The following NSMCE2 variants were observed in gnomAD, a reference collection of about 807,000 sequenced individuals.
The protein encoded by NSMCE2 is NSE2 SUMO ligase component of SMC5/6 complex.
NSMCE2 carries 24 observed loss-of-function variants against 23.8 expected under a neutral mutation model. The observed-to-expected ratio is 1.01, with a 90% CI of 0.73 to 1.42. The LOEUF (loss-of-function observed/expected upper bound fraction) is 1.42. Among genes scored for constraint, NSMCE2 ranks in the 40% most tolerant of loss-of-function variants. The probability of loss-of-function intolerance (pLI) is 0.00; values close to 1 mark genes in which losing one functional copy is unlikely to be tolerated. For synonymous variants in NSMCE2, 92 were observed against 94.1 expected, an observed-to-expected ratio of 0.98 and a Z score of 0.13; for missense variants, 284 against 296.5, an observed-to-expected ratio of 0.96 and a Z score of 0.31.
chr8:125,360,997 A>G (rs1159977308), intron 7 of NSMCE2, among the ~76,000 whole-genome samples: 3 of 151,684 alleles, frequency 2.0e-5, no homozygotes, highest in African/African-American at 7.3e-5. Context: ...AGTTAGAATA[A>G]TTTCCTAAAA....
At chr8:125,135,653 T>G (rs1450777840) in intron 3 of NSMCE2, among the ~76,000 whole-genome samples, 1 of 152,220 alleles carries the variant, frequency 6.6e-6, no homozygotes, top group Admixed American at 6.5e-5. Context: ...CTAGCACCAT[T>G]TGTTGCTGAA....
intron 3 of NSMCE2, among the ~76,000 whole-genome samples, chr8:125,106,502 A>T (rs1452929039): frequency 9.2e-5 from 14 of 151,964 alleles, no homozygotes. Flanking sequence ...ACTTGGTGAA[A>T]CCCCATCTCT....
At position 125,207,896 on chromosome 8, in the gene NSMCE2, A is replaced by G. The variant is rs544636257; in HGVS notation, c.418+25640A>G. Among the ~76,000 whole-genome samples the G allele has an allele frequency of 2.6e-5, 4 of 152,276 alleles. No homozygotes were observed. In the South Asian group the frequency reaches 8.3e-4, roughly 32 times the overall value. ...AGAGCCTCTAGAGCCGGAGCTGAAG[A>G]GCTCTTGAGGCCTGGACTTGGAAAT... is the stretch of plus-strand genomic sequence containing the variant. On this transcript the variant is annotated intron_variant, in intron 5 of 7. Coordinates refer to ENST00000287437, the MANE Select transcript of NSMCE2 (RefSeq NM_173685.4).
chr8:125,317,262 A>G (rs1208312931), intron 5 of NSMCE2, among the ~76,000 whole-genome samples: 1 of 151,846 alleles, frequency 6.6e-6, no homozygotes, highest in African/African-American at 2.4e-5. Context: ...CAGTGATGCA[A>G]TCACAGCTCA....
At chr8:125,252,516 A>T (rs1271331641) in intron 5 of NSMCE2, among the ~76,000 whole-genome samples, 1 of 152,072 alleles carries the variant, frequency 6.6e-6, no homozygotes, top group African/African-American at 2.4e-5. Context: ...ACAGAGCGAG[A>T]CTCTGTCTCA....
intron 5 of NSMCE2, among the ~76,000 whole-genome samples, chr8:125,252,609 T>G (rs916828835): frequency 2.0e-5 from 3 of 152,270 alleles, no homozygotes; most frequent in Non-Finnish European, 2.9e-5. Context: ...GGCATGTGTC[T>G]TATTATCAAT....
chr8:125,131,936 C>T (rs1419890939), intron 3 of NSMCE2, among the ~76,000 whole-genome samples: 1 of 152,178 alleles, frequency 6.6e-6, no homozygotes, highest in African/African-American at 2.4e-5. Context: ...CAAATCTGGG[C>T]AGCCTGTCTC....
chr8:125,119,467 T>A (rs1819168713), intron 3 of NSMCE2, among the ~76,000 whole-genome samples: 1 of 152,202 alleles, frequency 6.6e-6, no homozygotes, highest in South Asian at 2.1e-4. Flanking sequence ...TGCTTTTTTG[T>A]CTTTGGAGCT....
At chr8:125,147,998 G>A (rs780499944) in intron 3 of NSMCE2, among the ~76,000 whole-genome samples, 4 of 152,136 alleles carry the variant, frequency 2.6e-5, no homozygotes, top group Non-Finnish European at 5.9e-5. Flanking sequence ...CCCTGCTACA[G>A]CTGACCAAGA....
intron 5 of NSMCE2, among the ~76,000 whole-genome samples, chr8:125,258,300 A>G (rs1236347888): frequency 6.6e-6 from 1 of 152,238 alleles, no homozygotes; most frequent in Non-Finnish European, 1.5e-5. Flanking sequence ...TAGTCTTTTA[A>G]GAAAATGGAA....
intron 1 of NSMCE2, among the ~76,000 whole-genome samples, chr8:125,100,920 A>G (rs1818156370): frequency 6.6e-6 from 1 of 152,204 alleles, no homozygotes; most frequent in African/African-American, 2.4e-5. Context: ...TTTTCATCAA[A>G]TTAGAATAAC....
At chr8:125,194,420 T>C (rs1563711157) in intron 5 of NSMCE2, among the ~76,000 whole-genome samples, 1 of 152,238 alleles carries the variant, frequency 6.6e-6, no homozygotes, top group Non-Finnish European at 1.5e-5. Context: ...TTGCTAGTTA[T>C]CTGCAGTTTG....
chr8:125,174,309 T>C (rs942427512), intron 4 of NSMCE2, among the ~76,000 whole-genome samples: 2 of 152,186 alleles, frequency 1.3e-5, no homozygotes, highest in East Asian at 3.8e-4. Context: ...AGATGTTCAG[T>C]AAATATTTAC....
intron 5 of NSMCE2, among the ~76,000 whole-genome samples, chr8:125,268,719 C>T (rs557704341): frequency 6.6e-6 from 1 of 152,038 alleles, no homozygotes; most frequent in East Asian, 1.9e-4. Flanking sequence ...AAAGAGATGC[C>T]CTGGGAGGAA....
rs1328487575 is a variant in NSMCE2, at chr8:125,119,218, T to C, written c.157+16731T>C. On this transcript the variant is annotated intron_variant, in intron 3 of 7. Coordinates refer to ENST00000287437, the MANE Select transcript of NSMCE2 (RefSeq NM_173685.4). ...TTCCAATCATTCCAACACCTCCAGA[T>C]TTTCTTTCCTCCACCGACTGTAACA... Among the ~76,000 whole-genome samples the C allele has an allele frequency of 2.0e-5, 3 of 152,202 alleles. No homozygotes were observed. In the East Asian group the frequency reaches 5.8e-4, roughly 29 times the overall value.
In NSMCE2 at chr8:125,234,236, C is replaced by T. The variant is rs189351961; in HGVS notation, c.418+51980C>T. Among the ~76,000 whole-genome samples the T allele has an allele frequency of 5.3e-4, 80 of 152,108 alleles. No homozygotes were observed. The East Asian group carries it at 0.013, about 25-fold the overall frequency. On this transcript the variant is annotated intron_variant, in intron 5 of 7. Coordinates refer to ENST00000287437, the MANE Select transcript of NSMCE2 (RefSeq NM_173685.4). ...CCTTTATCTTTTCCAGGTCCTTGAC[C>T]AGGCTATAAGTTCTGATTTTTGTCA...
At position 125,321,095 on chromosome 8, in the gene NSMCE2, C is replaced by A. The variant is rs71516776; in HGVS notation, c.419-36124C>A. 4.5e-3 allele frequency among the ~76,000 whole-genome samples: 683 copies of A among 152,216 alleles called. 5 individuals carry two copies. The highest frequency in any genetic ancestry group is 7.1e-3 in the Non-Finnish European group (484 of 68,020). On this transcript the variant is annotated intron_variant, in intron 5 of 7. Transcript: ENST00000287437. ...GAAACTGCCCCCATGATCCAGTCACCTCCCACCAGGCCCCACCTCCAGTAT... is the reference window on the plus strand; with the variant it reads ...GAAACTGCCCCCATGATCCAGTCACATCCCACCAGGCCCCACCTCCAGTAT...
At chr8:125,319,903 G>C (rs756249289) in intron 5 of NSMCE2, among the ~76,000 whole-genome samples, 6 of 152,058 alleles carry the variant, frequency 3.9e-5, no homozygotes, top group Non-Finnish European at 8.8e-5. Context: ...CTGGCCAGGC[G>C]TGGTGGCTCA....
intron 5 of NSMCE2, among the ~76,000 whole-genome samples, chr8:125,195,879 C>CTTTTTTTTTTTTT (rs34687223): frequency 1.2e-5 from 1 of 83,626 alleles, no homozygotes; most frequent in Admixed American, 1.5e-4. Context: ...TCCTGAATAA[C>CTTTTTTTTTTTTT]TTTTTTTTTT....
Sources: gnomAD v4.1 joint callset for allele counts (sites outside exome capture counted in the v4.1 genomes callset) on GRCh38, gnomAD v4.1.1 for gene constraint, MANE v1.5 for transcripts, NCBI Gene and HGNC (gene_info 2026-07-23, HGNC 2026-07-21) for gene names.